The following GFOD1 variants were observed in gnomAD, a reference collection of about 807,000 sequenced individuals.
GFOD1 encodes Gfo/Idh/MocA-like oxidoreductase domain containing 1.
GFOD1 carries 9 observed loss-of-function variants against 25.4 expected under a neutral mutation model. The ratio of observed to expected loss-of-function variants is 0.35; its 90% CI spans 0.21 to 0.62. The LOEUF (loss-of-function observed/expected upper bound fraction) is 0.62. Among genes scored for constraint, GFOD1 ranks in the 20% least tolerant of loss-of-function variants. The pLI is 0.72. For missense variants in GFOD1, 403 were observed against 556.9 expected (o/e 0.72, Z 2.78); for synonymous variants, 253 against 245.6 (o/e 1.03, Z -0.28).
At chr6:13,367,930 G>T (rs544314483) in intron 1 of GFOD1, among the ~76,000 whole-genome samples, 8 of 152,176 alleles carry the variant, frequency 5.3e-5, no homozygotes, top group African/African-American at 1.7e-4. Flanking sequence ...CCGCAGATGT[G>T]GGAGAGACCC....
At chr6:13,477,214 GGGGTGT>G (rs1332155674) in intron 1 of GFOD1, among the ~76,000 whole-genome samples, 242 of 7,668 alleles carry the variant, frequency 0.032, 2 homozygotes, top group Middle Eastern at 0.1. Flanking sequence ...GAACCAATAG[GGGGTGT>G]GTGTGTGTGT....
At chr6:13,403,824 C>A (rs1012597304) in intron 1 of GFOD1, among the ~76,000 whole-genome samples, 2 of 152,112 alleles carry the variant, frequency 1.3e-5, no homozygotes, top group African/African-American at 2.4e-5. Flanking sequence ...AAAGGCAAAT[C>A]TATAGAAACA....
intron 1 of GFOD1, among the ~76,000 whole-genome samples, chr6:13,387,282 C>A (rs115342294): frequency 6.6e-6 from 1 of 152,126 alleles, no homozygotes. Context: ...AATGTCGGAT[C>A]CTGATACCAA....
intron 1 of GFOD1, among the ~76,000 whole-genome samples, chr6:13,377,081 T>C (rs1562197337): frequency 6.6e-6 from 1 of 151,752 alleles, no homozygotes; most frequent in African/African-American, 2.4e-5. Flanking sequence ...TCTCAAAAAA[T>C]GCAAAAATCC....
intron 1 of GFOD1, among the ~76,000 whole-genome samples, chr6:13,479,622 A>C (rs1370550768): frequency 1.3e-5 from 2 of 152,244 alleles, no homozygotes; most frequent in Non-Finnish European, 2.9e-5. Flanking sequence ...AGGTATCAAA[A>C]TGTCCAACTT....
intron 1 of GFOD1, among the ~76,000 whole-genome samples, chr6:13,435,285 G>C (rs1265506726): frequency 6.6e-6 from 1 of 152,114 alleles, no homozygotes; most frequent in Admixed American, 6.5e-5. Flanking sequence ...CTTGCATCCT[G>C]AACAAGTTAC....
At chr6:13,386,040 C>A (rs1448733745) in intron 1 of GFOD1, among the ~76,000 whole-genome samples, 1 of 149,782 alleles carries the variant, frequency 6.7e-6, no homozygotes, top group Non-Finnish European at 1.5e-5. Context: ...TTGCCCCAGG[C>A]CAGGGAGTTT....
In GFOD1 at chr6:13,451,089, G is replaced by A. The variant is rs535126693; in HGVS notation, c.253+35549C>T. ...ATGGTGCTCATTCTTTGTACACTTC[G>A]GGCAACTCCTGCCGGAGTTTTTAGT... On this transcript the variant is annotated intron_variant, in intron 1 of 1. Coordinates refer to ENST00000379287, the MANE Select transcript of GFOD1 (RefSeq NM_018988.4). Among the ~76,000 whole-genome samples, 37 of 152,274 alleles carry A rather than the reference G, an allele frequency of 2.4e-4. No individual in the cohort carries two copies. In the East Asian group the frequency reaches 4.3e-3, roughly 18 times the overall value.
chr6:13,396,101 C>T (rs1477966515), intron 1 of GFOD1, among the ~76,000 whole-genome samples: 1 of 152,186 alleles, frequency 6.6e-6, no homozygotes, highest in Non-Finnish European at 1.5e-5. Context: ...CATGTAATCA[C>T]CCATGTGAAC....
chr6:13,436,325 TTAAG>T (rs1461907751), intron 1 of GFOD1, among the ~76,000 whole-genome samples: 1 of 152,184 alleles, frequency 6.6e-6, no homozygotes, highest in East Asian at 1.9e-4. Context: ...TAAAATGAAA[TTAAG>T]TTTTTCCCTT....
At chr6:13,486,517 G>T in intron 1 of GFOD1, 121 bp downstream of exon 1, 2 of 811,310 alleles carry the variant, frequency 2.5e-6, no homozygotes, top group Non-Finnish European at 1.9e-6. Context: ...TCAGATCCCC[G>T]GGGCAGCGTA....
chr6:13,452,376 C>T (rs1418364716), intron 1 of GFOD1, among the ~76,000 whole-genome samples: 1 of 152,182 alleles, frequency 6.6e-6, no homozygotes, highest in Non-Finnish European at 1.5e-5. Context: ...GTATTTCAGA[C>T]TAATGGATGG....
intron 1 of GFOD1, among the ~76,000 whole-genome samples, chr6:13,390,915 GAAGTGCCGAATAAAC>G (rs1248451012): frequency 1.3e-5 from 2 of 152,154 alleles, no homozygotes; most frequent in Non-Finnish European, 2.9e-5. Context: ...CCTGGCACAG[GAAGTGCCGAATAAAC>G]ACTAGCTCAG....
intron 1 of GFOD1, among the ~76,000 whole-genome samples, chr6:13,384,212 T>C (rs1229269983): frequency 2.6e-5 from 4 of 152,136 alleles, no homozygotes; most frequent in Admixed American, 2.6e-4. Context: ...GGTGACAGAG[T>C]GAGACTCCAT....
At chr6:13,371,484 GC>G (rs1428803906) in intron 1 of GFOD1, among the ~76,000 whole-genome samples, 1 of 152,096 alleles carries the variant, frequency 6.6e-6, no homozygotes, top group Non-Finnish European at 1.5e-5. Context: ...ACTTTCTGAG[GC>G]AAAAAGATCA....
chr6:13,433,893 C>G (rs1416494928), intron 1 of GFOD1, among the ~76,000 whole-genome samples: 2 of 152,234 alleles, frequency 1.3e-5, no homozygotes, highest in Non-Finnish European at 2.9e-5. Context: ...ATCACCTGTT[C>G]CAGTTCCCAA....
intron 1 of GFOD1, among the ~76,000 whole-genome samples, chr6:13,418,796 A>G (rs1191720019): frequency 1.3e-5 from 2 of 152,184 alleles, no homozygotes; most frequent in African/African-American, 2.4e-5. Context: ...CACCTGGCCA[A>G]CGGCAATTCC....
chr6:13,409,878 G>A lies in GFOD1; in HGVS notation c.254-44216C>T, dbSNP rs142886411. Among the ~76,000 whole-genome samples the A allele has an allele frequency of 7.1e-4, 104 of 147,218 alleles. 4 individuals carry two copies. In the East Asian group the frequency reaches 0.018, roughly 26 times the overall value. ...GCAGAGGTTGCAGTGAGCCAAGATC[G>A]TGCCACTGCACTCTAGCCTGGGCGA... On this transcript the variant is annotated intron_variant, in intron 1 of 1. Coordinates refer to ENST00000379287, the MANE Select transcript of GFOD1 (RefSeq NM_018988.4).
chr6:13,409,125 GAAAGAAAGAAAGAAA>G lies in GFOD1; in HGVS notation c.254-43478_254-43464del, dbSNP rs1562209309. On this transcript the variant is annotated intron_variant, in intron 1 of 1. Coordinates refer to ENST00000379287, the MANE Select transcript of GFOD1 (RefSeq NM_018988.4). ...AGAAAGAAAGAAAGAAAGAAAGAAA[GAAAGAAAGAAAGAAA>G]GAAAGAAAGAGAGGAAAGAAAGAAA... is the stretch of plus-strand genomic sequence containing the variant. 1.4e-4 allele frequency among the ~76,000 whole-genome samples: 7 copies of G among 49,242 alleles called. 1 individual carries two copies. The highest frequency in any genetic ancestry group is 2.8e-4 in the Non-Finnish European group (5 of 17,714). The allele number at this position is 49,242 out of a possible 152,430, so 32.3% of individuals were successfully genotyped here. A position where few individuals can be genotyped will look rare whatever the true frequency, so the allele number is the denominator to read the frequency against.
Sources: gnomAD v4.1 joint callset for allele counts (sites outside exome capture counted in the v4.1 genomes callset) on GRCh38, gnomAD v4.1.1 for gene constraint, MANE v1.5 for transcripts, NCBI Gene and HGNC (gene_info 2026-07-23, HGNC 2026-07-21) for gene names.